MYLK: variants seen among roughly 807,000 people sequenced by gnomAD.
MYLK encodes the protein myosin light chain kinase.
A neutral mutation model predicts 203.4 loss-of-function variants in MYLK; 106 were observed. That is an observed-to-expected ratio of 0.52 (90% CI 0.45 to 0.61). The LOEUF (loss-of-function observed/expected upper bound fraction) is 0.61. Among genes scored for constraint, MYLK ranks in the 20% least tolerant of loss-of-function variants. The probability of loss-of-function intolerance (pLI) is 0.00; values close to 1 mark genes in which losing one functional copy is unlikely to be tolerated. For missense variants in MYLK, 2,072 were observed against 2,442.3 expected (o/e 0.85, Z 3.20); for synonymous variants, 867 against 959.5 (o/e 0.90, Z 1.78).
intron 20 of MYLK, among the ~76,000 whole-genome samples, chr3:123,670,846 C>T (rs115571290): frequency 0.023 from 3,510 of 152,352 alleles, 59 homozygotes; most frequent in Middle Eastern, 0.082. Flanking sequence ...ATTGTGTTGA[C>T]GTAGGACATT....
At chr3:123,802,221 A>G (rs1236800119) in intron 3 of MYLK, among the ~76,000 whole-genome samples, 1 of 152,226 alleles carries the variant, frequency 6.6e-6, no homozygotes, top group Non-Finnish European at 1.5e-5. Flanking sequence ...GCACAATCAC[A>G]GCCTGCCCGG....
intron 27 of MYLK, among the ~76,000 whole-genome samples, chr3:123,643,233 C>T (rs1276880000): frequency 6.6e-6 from 1 of 152,204 alleles, no homozygotes; most frequent in African/African-American, 2.4e-5. Context: ...GAACACATCA[C>T]AGGTGGCAGG....
intron 18 of MYLK, among the ~76,000 whole-genome samples, chr3:123,699,366 A>C (rs766841351): frequency 6.6e-6 from 1 of 152,170 alleles, no homozygotes; most frequent in Non-Finnish European, 1.5e-5. Context: ...AATGTGAAAT[A>C]CCAGCAAACA....
intron 3 of MYLK, among the ~76,000 whole-genome samples, chr3:123,825,240 T>C (rs1482572248): frequency 6.6e-6 from 1 of 152,192 alleles, no homozygotes; most frequent in Non-Finnish European, 1.5e-5. Flanking sequence ...TACAGGTTAC[T>C]TGCCCTTTTG....
intron 4 of MYLK, among the ~76,000 whole-genome samples, chr3:123,788,676 G>A (rs947189500): frequency 6.6e-6 from 1 of 151,940 alleles, no homozygotes; most frequent in African/African-American, 2.4e-5. Context: ...TTGGGAGACA[G>A]ATACACTATT....
intron 5 of MYLK, among the ~76,000 whole-genome samples, chr3:123,742,485 G>C (rs2062883423): frequency 6.6e-6 from 1 of 151,770 alleles, no homozygotes; most frequent in Non-Finnish European, 1.5e-5. Flanking sequence ...TAAATACAAT[G>C]GTAAAGAAGA....
Position 123,733,968 on chromosome 3 carries a change from C to A in MYLK, c.1028G>T (p.Ser343Ile), listed in dbSNP as rs961194527. 5.6e-6 allele frequency: 9 copies of A among 1,614,084 alleles called. No homozygotes were observed. Among genetic ancestry groups the A allele is most frequent in the Non-Finnish European group, 7.6e-6 (9 of 1,180,048 alleles). The change falls in exon 10 of 34, where the codon AGC (serine) becomes ATC (isoleucine). Residue 343 changes from serine (S) to isoleucine (I), a missense_variant. Physicochemically the swap from Ser to Ile is moderately radical, Grantham distance 142. This residue lies in a region of MYLK where 683 missense variants were observed against 643.8 expected (regional missense o/e 1.06). Coordinates refer to ENST00000360304, the MANE Select transcript of MYLK (RefSeq NM_053025.4). ...TCTTGCGGCCTGCAGGGTGATGGAGCTGGAAGTCTTCTGAAGGACCGGGGT... is the reference window on the plus strand; with the variant it reads ...TCTTGCGGCCTGCAGGGTGATGGAGATGGAAGTCTTCTGAAGGACCGGGGT... Reference protein sequence around the residue: ...PQTPVLQKTSSSITLQAARVQ... With the variant: ...PQTPVLQKTSISITLQAARVQ...
chr3:123,815,032 A>G (rs2065700619), intron 3 of MYLK, among the ~76,000 whole-genome samples: 1 of 152,130 alleles, frequency 6.6e-6, no homozygotes, highest in Non-Finnish European at 1.5e-5. Context: ...ACCTCAGGTG[A>G]TTCACCCACC....
intron 20 of MYLK, among the ~76,000 whole-genome samples, chr3:123,668,966 T>A (rs1456380912): frequency 6.6e-6 from 1 of 152,194 alleles, no homozygotes; most frequent in Admixed American, 6.5e-5. Flanking sequence ...GGGCTAATAT[T>A]AACAATTATT....
chr3:123,711,898 C>G (rs2061708762), intron 13 of MYLK, among the ~76,000 whole-genome samples: 1 of 152,130 alleles, frequency 6.6e-6, no homozygotes, highest in African/African-American at 2.4e-5. Context: ...TCCAAAGTTG[C>G]CACCGAATTT....
intron 4 of MYLK, among the ~76,000 whole-genome samples, chr3:123,762,126 C>T (rs1319243594): frequency 6.6e-6 from 1 of 152,204 alleles, no homozygotes; most frequent in Non-Finnish European, 1.5e-5. Flanking sequence ...CCCTCCCACT[C>T]CCATTTCCAC....
chr3:123,611,000 GTTA>G lies in MYLK; in HGVS notation c.*3102_*3104del, dbSNP rs1335194097. 2.6e-5 allele frequency: 4 copies of G among 152,154 alleles called. No homozygotes were observed. Among genetic ancestry groups the G allele is most frequent in the Non-Finnish European group, 5.9e-5 (4 of 68,024 alleles). 9.4% of individuals were successfully genotyped at this position (152,154 alleles called of 1,614,324 possible). On this transcript the variant is annotated 3_prime_UTR_variant, in exon 34 of 34. Coordinates refer to ENST00000360304, the MANE Select transcript of MYLK (RefSeq NM_053025.4). ...AAAATGAATGGAAGAAAGTATATCT[GTTA>G]TTTTTCTCAGTGCAGCATATAAATT...
intron 32 of MYLK, among the ~76,000 whole-genome samples, chr3:123,619,966 C>T (rs2057754091): frequency 6.6e-6 from 1 of 152,128 alleles, no homozygotes; most frequent in Non-Finnish European, 1.5e-5. Context: ...CTGAGGTCAT[C>T]TAGTTCTATT....
Position 123,737,483 on chromosome 3 carries a change from C to A in MYLK, c.649G>T (p.Val217Phe), listed in dbSNP as rs1553824777. ...VSVSEKNGMQ[V>F]LEIHGVNQDD... ...TGGTTGACTCCATGGATTTCCAGAA[C>A]CTGCATGCCGTTCTTCTCAGACACA... is the stretch of plus-strand genomic sequence containing the variant. The change falls in exon 8 of 34, where the codon GTT becomes TTT. Residue 217 changes from valine (V) to phenylalanine (F), a missense_variant. This residue lies in a region of MYLK where 683 missense variants were observed against 643.8 expected (regional missense o/e 1.06). Coordinates refer to ENST00000360304, the MANE Select transcript of MYLK (RefSeq NM_053025.4). 6.2e-7 allele frequency: 1 copy of A among 1,614,212 alleles called. No homozygotes were observed.
chr3:123,715,218 T>C (rs2061850726), intron 13 of MYLK, among the ~76,000 whole-genome samples: 1 of 152,196 alleles, frequency 6.6e-6, no homozygotes, highest in Non-Finnish European at 1.5e-5. Context: ...ATCGCTCTGG[T>C]GAAGCAAAAG....
chr3:123,751,228 A>G (rs2063182573), intron 5 of MYLK, among the ~76,000 whole-genome samples: 1 of 152,220 alleles, frequency 6.6e-6, no homozygotes, highest in Non-Finnish European at 1.5e-5. Context: ...CCTTCCTGAT[A>G]TCAAGGCTTT....
intron 12 of MYLK, 61 bp downstream of exon 12, chr3:123,725,883 T>A: frequency 1.3e-6 from 2 of 1,586,444 alleles, no homozygotes; most frequent in South Asian, 2.3e-5. Context: ...TAAGTGAGAA[T>A]TCAGGCAGCG....
intron 18 of MYLK, among the ~76,000 whole-genome samples, chr3:123,694,348 T>A (rs1328109812): frequency 1.3e-5 from 2 of 152,124 alleles, no homozygotes; most frequent in African/African-American, 2.4e-5. Flanking sequence ...ATGGAGAGGA[T>A]TTAGGCTGGA....
At chr3:123,699,587 C>G (rs1228628551) in intron 18 of MYLK, among the ~76,000 whole-genome samples, 1 of 152,238 alleles carries the variant, frequency 6.6e-6, no homozygotes, top group African/African-American at 2.4e-5. Flanking sequence ...CTAAACAGCT[C>G]TTTACTCAGA....
Sources: gnomAD v4.1 joint callset for allele counts (sites outside exome capture counted in the v4.1 genomes callset) on GRCh38, gnomAD v4.1.1 for gene constraint, gnomAD v4.1.1 regional missense constraint, MANE v1.5 for transcripts, NCBI Gene and HGNC (gene_info 2026-07-23, HGNC 2026-07-21) for gene names.